The following ALPK1 variants were observed in gnomAD, a reference collection of about 807,000 sequenced individuals.
The protein encoded by ALPK1 is alpha-protein kinase 1.
In ALPK1, 110 loss-of-function variants were observed where a neutral mutation model predicts 120.6. The ratio of observed to expected loss-of-function variants is 0.91; its 90% CI spans 0.78 to 1.07. The LOEUF (loss-of-function observed/expected upper bound fraction) is 1.07. Ranked by LOEUF, ALPK1 falls within the 50% of genes least tolerant of loss-of-function variation. The probability of loss-of-function intolerance (pLI) is 0.00; values close to 1 mark genes in which losing one functional copy is unlikely to be tolerated. For synonymous variants in ALPK1, 582 were observed against 560.3 expected (o/e 1.04, Z -0.55); for missense variants, 1,498 against 1,483.9 (o/e 1.01, Z -0.16).
chr4:112,358,738 C>T (rs1056264196), intron 2 of ALPK1: 8 of 793,796 alleles, frequency 1.0e-5, no homozygotes, highest in East Asian at 2.4e-5. Context: ...GTCAGCCACT[C>T]GGAGGAGCCC....
intron 5 of ALPK1, among the ~76,000 whole-genome samples, chr4:112,422,089 G>A (rs2148756425): frequency 6.6e-6 from 1 of 152,278 alleles, no homozygotes; most frequent in Admixed American, 6.5e-5. Context: ...ACTAATGGGT[G>A]ATCATCGTAG....
chr4:112,324,198 G>A (rs1177977306), intron 2 of ALPK1, among the ~76,000 whole-genome samples: 1 of 152,074 alleles, frequency 6.6e-6, no homozygotes, highest in Non-Finnish European at 1.5e-5. Flanking sequence ...ATGGTGGCAG[G>A]CGCCTGTAGT....
At chr4:112,312,710 C>T (rs1343407442) in intron 1 of ALPK1, among the ~76,000 whole-genome samples, 1 of 152,138 alleles carries the variant, frequency 6.6e-6, no homozygotes, top group Non-Finnish European at 1.5e-5. Flanking sequence ...CGTTTGCAAG[C>T]CAGGAGTTAT....
chr4:112,388,594 T>C (rs1732255565), intron 4 of ALPK1, among the ~76,000 whole-genome samples: 1 of 151,110 alleles, frequency 6.6e-6, no homozygotes, highest in African/African-American at 2.4e-5. Context: ...TTTGGGGCTT[T>C]CATAGCAGAA....
At chr4:112,386,640 T>C (rs181665174) in intron 4 of ALPK1, among the ~76,000 whole-genome samples, 13 of 152,322 alleles carry the variant, frequency 8.5e-5, no homozygotes, top group Middle Eastern at 3.4e-3. Flanking sequence ...TAATGTCTCA[T>C]CGTGCCATAG....
At chr4:112,438,452 C>G in intron 12 of ALPK1, 32 bp from the exon 13 acceptor site, 2 of 1,604,834 alleles carry the variant, frequency 1.2e-6, no homozygotes, top group Non-Finnish European at 1.7e-6. Flanking sequence ...ACCACTTTTG[C>G]ATTTTGTTGT....
intron 4 of ALPK1, among the ~76,000 whole-genome samples, chr4:112,393,519 C>T (rs1307505151): frequency 6.6e-6 from 1 of 152,148 alleles, no homozygotes. Flanking sequence ...GGTGAGAATA[C>T]TAGTTACTTT....
rs143766014 is a variant in ALPK1 at position 112,311,113 on chromosome 4, G to C, written c.-152-4688G>C. Among the ~76,000 whole-genome samples the C allele has an allele frequency of 3.1e-4, 47 of 152,258 alleles. No individual in the cohort carries two copies. In the East Asian group the frequency reaches 8.5e-3, roughly 28 times the overall value. ...AACGAATACAAAAAAGCGCTCACTT[G>C]GAAGCAGGAGACTTACTGTGTGGTT... On this transcript the variant is annotated intron_variant, in intron 1 of 15. Transcript: ENST00000650871.
chr4:112,404,667 G>A (rs1201976751), intron 4 of ALPK1, among the ~76,000 whole-genome samples: 1 of 152,056 alleles, frequency 6.6e-6, no homozygotes, highest in Non-Finnish European at 1.5e-5. Flanking sequence ...ACTTTCTATT[G>A]ATTTCTCTTT....
intron 2 of ALPK1, among the ~76,000 whole-genome samples, chr4:112,337,970 T>G (rs1354498902): frequency 6.6e-6 from 1 of 152,202 alleles, no homozygotes; most frequent in Non-Finnish European, 1.5e-5. Flanking sequence ...AACTATTTTA[T>G]GTCATTTTTC....
intron 1 of ALPK1, among the ~76,000 whole-genome samples, chr4:112,314,224 C>T (rs1475507835): frequency 6.6e-6 from 1 of 152,130 alleles, no homozygotes; most frequent in Non-Finnish European, 1.5e-5. Context: ...CTGTGGAAGT[C>T]CTCGTCTGAT....
chr4:112,382,310 T>TTTTC, intron 3 of ALPK1, 88 bp from the exon 4 acceptor site: 3 of 762,292 alleles, frequency 3.9e-6, no homozygotes, highest in South Asian at 3.0e-5. Context: ...TTTTTTTTTT[T>TTTTC]GCCACTGAGG....
At position 112,427,755 on chromosome 4, in the gene ALPK1, G is replaced by A. The variant is rs1734304329; in HGVS notation, c.795+90G>A. On this transcript the variant is annotated intron_variant, in intron 9 of 15. Coordinates refer to ENST00000650871, the MANE Select transcript of ALPK1 (RefSeq NM_025144.4). ...TAGTGGCTGTCTTTCTCAGGAGATT[G>A]GGAGGCAGGGAGCTCAGTGCTGCGC... is the stretch of plus-strand genomic sequence containing the variant. 4 of 875,914 alleles carry A rather than the reference G, an allele frequency of 4.6e-6. No individual in the cohort carries two copies. The African/African-American group carries it at 6.6e-5, about 15-fold the overall frequency. The allele number at this position is 875,914 out of a possible 1,614,324, so 54.3% of individuals were successfully genotyped here.
chr4:112,298,823 A>G (rs1203082580), intron 1 of ALPK1, among the ~76,000 whole-genome samples: 1 of 152,138 alleles, frequency 6.6e-6, no homozygotes, highest in African/African-American at 2.4e-5. Context: ...CTTAAGAATA[A>G]GTTTGTGCAT....
chr4:112,307,885 C>CT (rs1320947594), intron 1 of ALPK1, among the ~76,000 whole-genome samples: 1 of 152,074 alleles, frequency 6.6e-6, no homozygotes, highest in African/African-American at 2.4e-5. Flanking sequence ...GTGGCTGGTA[C>CT]TGGTTTTTCC....
At chr4:112,414,193 C>A in intron 5 of ALPK1, 1 of 449,570 alleles carries the variant, frequency 2.2e-6, no homozygotes, top group Non-Finnish European at 4.5e-6. Context: ...GGAAGAAAAA[C>A]AAAGGTAATA....
intron 1 of ALPK1, among the ~76,000 whole-genome samples, chr4:112,307,902 T>C (rs1297149718): frequency 6.6e-6 from 1 of 152,136 alleles, no homozygotes; most frequent in Non-Finnish European, 1.5e-5. Flanking sequence ...TTCCTTTCCA[T>C]GTTTCGTGCT....
intron 2 of ALPK1, among the ~76,000 whole-genome samples, chr4:112,372,270 G>T (rs1435606816): frequency 6.7e-6 from 1 of 149,964 alleles, no homozygotes; most frequent in Non-Finnish European, 1.5e-5. Flanking sequence ...CTGGAGTGCA[G>T]TGGCGTGATC....
chr4:112,404,195 T>C (rs1441507542), intron 4 of ALPK1, among the ~76,000 whole-genome samples: 1 of 152,258 alleles, frequency 6.6e-6, no homozygotes, highest in African/African-American at 2.4e-5. Context: ...AGATGTTACA[T>C]GCATGACCCA....
Sources: allele counts gnomAD v4.1 joint callset (sites outside exome capture counted in the v4.1 genomes callset), GRCh38; gene constraint gnomAD v4.1.1; transcripts MANE v1.5; gene names NCBI Gene and HGNC (gene_info 2026-07-23, HGNC 2026-07-21).